The following UBASH3B variants were observed in gnomAD, a reference collection of about 807,000 sequenced individuals.
UBASH3B encodes ubiquitin associated and SH3 domain containing B, also known as ubiquitin-associated and SH3 domain-containing protein B.
In UBASH3B, 37 loss-of-function variants were observed where a neutral mutation model predicts 83.4. The observed-to-expected ratio is 0.44, with a 90% CI of 0.34 to 0.58. The LOEUF is 0.58. Among genes scored for constraint, UBASH3B ranks in the 20% least tolerant of loss-of-function variants. UBASH3B has a pLI of 0.01. For synonymous variants in UBASH3B, 304 were observed against 318.3 expected, an observed-to-expected ratio of 0.96 and a Z score of 0.48; for missense variants, 657 against 827.2, an observed-to-expected ratio of 0.79 and a Z score of 2.52.
chr11:122,789,143 A>T lies in UBASH3B; in HGVS notation c.815A>T (p.Glu272Val). The T allele has an allele frequency of 6.2e-7, 1 of 1,613,994 alleles. No homozygotes were observed. The highest frequency in any genetic ancestry group is 8.5e-7 in the Non-Finnish European group (1 of 1,180,016). The change falls in exon 6 of 14, where the codon GAG (glutamate) becomes GTG (valine). Residue 272 changes from glutamate to valine, a missense_variant. Glu to Val is a moderately radical substitution (Grantham distance 121). This residue lies in a region of UBASH3B where 573 missense variants were observed against 739.0 expected (regional missense o/e 0.78). Transcript: ENST00000284273. ...CCCTATACCCCACAAAATGACGATG[A>T]GCTGGAGCTGGTCCCCGGGGACTTC... is the stretch of plus-strand genomic sequence containing the variant. ...IYPYTPQNDD[E>V]LELVPGDFIF...
Position 122,758,163 on chromosome 11 carries a change from C to T in UBASH3B, c.162-18056C>T, listed in dbSNP as rs770359485. On this transcript the variant is annotated intron_variant, in intron 1 of 13. Transcript: ENST00000284273. This position sits in a 1 kb window ranked among gnomAD's most constrained non-coding sequence, Gnocchi z 4.2. The stretch of plus-strand genomic sequence containing the variant: ...CCCAGAAGGAAGGCGAAGATGTGGC[C>T]GGGGGTGGGGCCGGTCTGGGGGGTA... 1.3e-5 allele frequency among the ~76,000 whole-genome samples: 2 copies of T among 151,912 alleles called. No homozygotes were observed. Among genetic ancestry groups the T allele is most frequent in the South Asian group, 2.1e-4 (1 of 4,810 alleles).
intron 6 of UBASH3B, among the ~76,000 whole-genome samples, chr11:122,792,300 CTT>C (rs200749669): frequency 3.6e-5 from 5 of 140,218 alleles, no homozygotes; most frequent in Admixed American, 2.1e-4. Flanking sequence ...ACTGGATTTT[CTT>C]TTTTTTTTTC....
At chr11:122,772,057 G>C (rs1301829999) in intron 1 of UBASH3B, among the ~76,000 whole-genome samples, 1 of 152,220 alleles carries the variant, frequency 6.6e-6, no homozygotes, top group Non-Finnish European at 1.5e-5. Context: ...AGAAGCTTAT[G>C]TGGTGTTCAA....
chr11:122,662,753 A>G (rs975047685), intron 1 of UBASH3B, among the ~76,000 whole-genome samples: 1 of 151,966 alleles, frequency 6.6e-6, no homozygotes, highest in Non-Finnish European at 1.5e-5. Flanking sequence ...TTCACTGTAC[A>G]TTAGTTTGCA....
At chr11:122,730,996 C>G (rs756301385) in intron 1 of UBASH3B, among the ~76,000 whole-genome samples, 6 of 152,188 alleles carry the variant, frequency 3.9e-5, no homozygotes, top group Non-Finnish European at 7.3e-5. Context: ...AAGGTTCTGC[C>G]ATGTCTGCAA....
intron 1 of UBASH3B, among the ~76,000 whole-genome samples, chr11:122,662,944 A>G (rs1004420826): frequency 2.7e-5 from 4 of 146,428 alleles, no homozygotes; most frequent in Non-Finnish European, 4.5e-5. Context: ...CACAGCTTCT[A>G]TGAAAATTCC....
rs1317092871 is a variant in UBASH3B, at chr11:122,811,182, GTC to G, written c.*1298_*1299del. 6.6e-6 allele frequency: 1 copy of G among 152,584 alleles called. No individual in the cohort carries two copies. Among genetic ancestry groups the G allele is most frequent in the Non-Finnish European group, 1.5e-5 (1 of 68,034 alleles). 9.5% of individuals were successfully genotyped at this position (152,584 alleles called of 1,614,324 possible). On this transcript the variant is annotated 3_prime_UTR_variant, in exon 14 of 14. Transcript: ENST00000284273. ...TCAAACCAAATCATCAGTTATCAAT[GTC>G]TGTTTAATTGTGTGACTATCTGACT...
chr11:122,741,410 A>G (rs1286262400), intron 1 of UBASH3B, among the ~76,000 whole-genome samples: 2 of 152,232 alleles, frequency 1.3e-5, no homozygotes, highest in Non-Finnish European at 2.9e-5. Context: ...CTGTTTACCA[A>G]TAAATGAACA....
intron 3 of UBASH3B, among the ~76,000 whole-genome samples, chr11:122,778,532 C>T (rs1860781797): frequency 6.7e-6 from 1 of 150,360 alleles, no homozygotes; most frequent in South Asian, 2.1e-4. Flanking sequence ...GGATGCTGCA[C>T]TCTCTCCTGT....
chr11:122,799,698 C>T (rs1426185906), intron 10 of UBASH3B, among the ~76,000 whole-genome samples: 1 of 152,154 alleles, frequency 6.6e-6, no homozygotes, highest in Non-Finnish European at 1.5e-5. Flanking sequence ...AGCAAGGGTG[C>T]TCTTAGGAGC....
intron 1 of UBASH3B, among the ~76,000 whole-genome samples, chr11:122,721,865 T>C (rs1207829430): frequency 4.6e-5 from 7 of 152,342 alleles, no homozygotes; most frequent in African/African-American, 1.4e-4. Context: ...CATGCTACTC[T>C]GTTCTTTGGG....
intron 5 of UBASH3B, among the ~76,000 whole-genome samples, chr11:122,785,922 C>G (rs1020699514): frequency 6.6e-6 from 1 of 152,216 alleles, no homozygotes; most frequent in Admixed American, 6.5e-5. Context: ...AAAGGCAGTT[C>G]GGCTCTTGTA....
intron 1 of UBASH3B, among the ~76,000 whole-genome samples, chr11:122,682,036 C>T (rs1271039245): frequency 6.6e-6 from 1 of 152,092 alleles, no homozygotes; most frequent in Non-Finnish European, 1.5e-5. Flanking sequence ...GTTCTCCCTG[C>T]CTTGTCAAAA....
In UBASH3B at chr11:122,805,731, G is replaced by A. The variant is rs540847118; in HGVS notation, c.1596-679G>A. On this transcript the variant is annotated intron_variant, in intron 11 of 13. Transcript: ENST00000284273. ...GGAAATTCAGGATGAGATTTGGGTG[G>A]GGGGCACAGCCAGGCCCCCAGGCCG... is the stretch of plus-strand genomic sequence containing the variant. Among the ~76,000 whole-genome samples, 33 of 152,222 alleles carry A rather than the reference G, an allele frequency of 2.2e-4. 1 individual carries two copies. In the South Asian group the frequency reaches 6.9e-3, roughly 32 times the overall value.
chr11:122,778,176 A>G (rs1400935374), intron 3 of UBASH3B, among the ~76,000 whole-genome samples: 1 of 152,170 alleles, frequency 6.6e-6, no homozygotes, highest in African/African-American at 2.4e-5. Flanking sequence ...CATTTTTATA[A>G]AAAATATTTT....
At chr11:122,751,835 C>T (rs1437513649) in intron 1 of UBASH3B, among the ~76,000 whole-genome samples, 3 of 152,196 alleles carry the variant, frequency 2.0e-5, no homozygotes, top group African/African-American at 7.2e-5. Flanking sequence ...TTAGCTCCAT[C>T]AGCCTTCTCC....
At chr11:122,801,677 ATGTCT>A (rs1861261802) in intron 11 of UBASH3B, among the ~76,000 whole-genome samples, 1 of 152,302 alleles carries the variant, frequency 6.6e-6, no homozygotes, top group Admixed American at 6.5e-5. Context: ...GGAGATGATG[ATGTCT>A]TGTCTTACAG....
At chr11:122,711,746 C>T (rs140280590) in intron 1 of UBASH3B, among the ~76,000 whole-genome samples, 150 of 152,336 alleles carry the variant, frequency 9.8e-4, no homozygotes, top group African/African-American at 3.5e-3. Flanking sequence ...TGGGCCTTTG[C>T]ATTTCCATCT....
chr11:122,748,563 T>C (rs898235751), intron 1 of UBASH3B, among the ~76,000 whole-genome samples: 7 of 152,238 alleles, frequency 4.6e-5, no homozygotes, highest in African/African-American at 9.6e-5. Context: ...CTAAATAATT[T>C]ACGTTTATGC....
Sources: gnomAD v4.1 joint callset for allele counts (sites outside exome capture counted in the v4.1 genomes callset) on GRCh38, gnomAD v4.1.1 for gene constraint, gnomAD v4.1.1 regional missense constraint, Gnocchi (gnomAD v3.1) non-coding constraint, MANE v1.5 for transcripts, NCBI Gene and HGNC (gene_info 2026-07-23, HGNC 2026-07-21) for gene names.